The following BCAS3 variants were observed in gnomAD, a reference collection of about 807,000 sequenced individuals.
The protein encoded by BCAS3 is BCAS3 microtubule associated cell migration factor, also known as BCAS4/BCAS3 fusion.
A neutral mutation model predicts 116.1 loss-of-function variants in BCAS3; 53 were observed. That is an observed-to-expected ratio of 0.46 (90% CI 0.37 to 0.57). The LOEUF (loss-of-function observed/expected upper bound fraction) is 0.57. Among genes scored for constraint, BCAS3 ranks in the 20% least tolerant of loss-of-function variants. The pLI is 0.00. For missense variants in BCAS3, 917 were observed against 1,165.4 expected, an observed-to-expected ratio of 0.79 and a Z score of 3.10; for synonymous variants, 391 against 408.2, an observed-to-expected ratio of 0.96 and a Z score of 0.51.
chr17:60,787,159 AT>A (rs2046350008), intron 6 of BCAS3, among the ~76,000 whole-genome samples: 1 of 152,232 alleles, frequency 6.6e-6, no homozygotes, highest in African/African-American at 2.4e-5. Flanking sequence ...AAATGAAAGC[AT>A]AATTTATGGT....
At chr17:61,114,293 C>A (rs1010118474) in intron 22 of BCAS3, among the ~76,000 whole-genome samples, 1 of 145,928 alleles carries the variant, frequency 6.9e-6, no homozygotes, top group South Asian at 2.4e-4. Flanking sequence ...AAGAGGAAGT[C>A]AAATTGTCCG....
rs1159413642 is a variant in BCAS3 at position 61,023,656 on chromosome 17, A to G, written c.1637+7755A>G. On this transcript the variant is annotated intron_variant, in intron 16 of 23. Coordinates refer to ENST00000407086, the MANE Select transcript of BCAS3 (RefSeq NM_017679.5). This position sits in a 1 kb window ranked among gnomAD's most constrained non-coding sequence, Gnocchi z 4.8. ...GGCATTCAACAAAATGAATCAGTTG[A>G]ATGACTTACATAGTGTTATGGTATG... Among the ~76,000 whole-genome samples the G allele has an allele frequency of 6.6e-6, 1 of 152,160 alleles. No individual in the cohort carries two copies. Among genetic ancestry groups the G allele is most frequent in the East Asian group, 1.9e-4 (1 of 5,192 alleles).
rs923725743 is a variant in BCAS3 at position 61,063,371 on chromosome 17, G to A, written c.2030-11549G>A. On this transcript the variant is annotated intron_variant, in intron 19 of 23. Coordinates refer to ENST00000407086, the MANE Select transcript of BCAS3 (RefSeq NM_017679.5). This position sits in a 1 kb window ranked among gnomAD's most constrained non-coding sequence, Gnocchi z 5.3. ...TGCAGCCTTTGCCTCCTGGGTTCAAGCGATTCTCACGCCTCAGCCTCCCGA... is the reference window on the plus strand; with the variant it reads ...TGCAGCCTTTGCCTCCTGGGTTCAAACGATTCTCACGCCTCAGCCTCCCGA... 1.3e-5 allele frequency among the ~76,000 whole-genome samples: 2 copies of A among 152,042 alleles called. No individual in the cohort carries two copies. The highest frequency in any genetic ancestry group is 2.4e-5 in the African/African-American group (1 of 41,392).
intron 6 of BCAS3, among the ~76,000 whole-genome samples, chr17:60,785,243 C>T (rs2046192698): frequency 6.6e-6 from 1 of 152,164 alleles, no homozygotes; most frequent in African/African-American, 2.4e-5. Flanking sequence ...ACTGAAGCCT[C>T]CACCTCCCAG....
rs1400853049 is a variant in BCAS3 at position 60,990,092 on chromosome 17, C to T, written c.1343C>T (p.Ser448Leu). 1 of 1,614,186 alleles carries T rather than the reference C, an allele frequency of 6.2e-7. No individual in the cohort carries two copies. The highest frequency in any genetic ancestry group is 8.5e-7 in the Non-Finnish European group (1 of 1,180,044). The change falls in exon 15 of 24, where the codon TCA becomes TTA. Residue 448 changes from serine (S) to leucine (L), a missense_variant. Ser to Leu is a moderately radical substitution (Grantham distance 145). Around this residue, in one of 3 missense-constraint regions of BCAS3, gnomAD observed 807 missense variants for 1,026.0 expected, o/e 0.79. Coordinates refer to ENST00000407086, the MANE Select transcript of BCAS3 (RefSeq NM_017679.5). The surrounding 1 kb of genome is among the most constrained non-coding windows in gnomAD (Gnocchi z 5.1). ...CAGCCTTGTGTTCGTACACATATGT[C>T]ACCACGAGTAGTGAATCGCATGAGC... is the stretch of plus-strand genomic sequence containing the variant. ...GGQPCVRTHM[S>L]PRVVNRMSRF...
At chr17:61,031,957 CAG>C (rs1258418657) in intron 16 of BCAS3, among the ~76,000 whole-genome samples, 1 of 152,050 alleles carries the variant, frequency 6.6e-6, no homozygotes, top group East Asian at 1.9e-4. Flanking sequence ...TGTTCCAAAA[CAG>C]AATTGTATGT....
rs2054097297 is a variant in BCAS3 at position 61,309,200 on chromosome 17, A to T, written c.2426-59127A>T. The stretch of plus-strand genomic sequence containing the variant: ...AAAAAGAACGTTAGCTCATGTGAGG[A>T]TACGTATAAGGGAATTAGATAACTC... On this transcript the variant is annotated intron_variant, in intron 22 of 23. Transcript: ENST00000407086. The surrounding 1 kb of genome is among the most constrained non-coding windows in gnomAD (Gnocchi z 4.6). 6.6e-6 allele frequency among the ~76,000 whole-genome samples: 1 copy of T among 152,230 alleles called. No homozygotes were observed. Among genetic ancestry groups the T allele is most frequent in the South Asian group, 2.1e-4 (1 of 4,830 alleles).
At chr17:61,069,619 C>G (rs1475986681) in intron 19 of BCAS3, among the ~76,000 whole-genome samples, 2 of 152,082 alleles carry the variant, frequency 1.3e-5, no homozygotes, top group African/African-American at 4.8e-5. Context: ...GGGTGGATCA[C>G]TTGAGGTTAG....
chr17:60,789,859 A>C (rs1319358540), intron 6 of BCAS3, among the ~76,000 whole-genome samples: 1 of 152,178 alleles, frequency 6.6e-6, no homozygotes, highest in East Asian at 1.9e-4. Flanking sequence ...TAGAATTTTT[A>C]TGTGGACACT....
chr17:60,895,582 G>A (rs1042330195), intron 10 of BCAS3, among the ~76,000 whole-genome samples: 1 of 151,942 alleles, frequency 6.6e-6, no homozygotes, highest in Non-Finnish European at 1.5e-5. Context: ...CATTTCTTCT[G>A]CTAATTATGG....
At chr17:60,768,446 C>G (rs1259835747) in intron 6 of BCAS3, among the ~76,000 whole-genome samples, 3 of 152,190 alleles carry the variant, frequency 2.0e-5, no homozygotes, top group African/African-American at 4.8e-5. Flanking sequence ...CAGCCTACAT[C>G]ATTTTCCCAT....
At chr17:60,892,312 ATTT>A (rs146241613) in intron 10 of BCAS3, among the ~76,000 whole-genome samples, 5 of 126,782 alleles carry the variant, frequency 3.9e-5, no homozygotes, top group Non-Finnish European at 3.5e-5. Context: ...TTTTTGACTT[ATTT>A]TTTTTTTTTT....
chr17:60,936,053 C>T (rs2059907079), intron 13 of BCAS3, among the ~76,000 whole-genome samples: 1 of 150,730 alleles, frequency 6.6e-6, no homozygotes, highest in African/African-American at 2.5e-5. Context: ...GTTCCCCTTC[C>T]TGTGTCCATG....
At chr17:60,825,086 A>G (rs1049872460) in intron 7 of BCAS3, among the ~76,000 whole-genome samples, 1 of 151,530 alleles carries the variant, frequency 6.6e-6, no homozygotes, top group Admixed American at 6.6e-5. Flanking sequence ...GGATTGCTGG[A>G]GCCCAGGAGG....
At position 61,323,483 on chromosome 17, in the gene BCAS3, T is replaced by C. The variant is rs1264512521; in HGVS notation, c.2426-44844T>C. ...ACGGACTTAGGATTTGGTTTTCTAC[T>C]CTGTGAACTGAAGCTAATTTCTCCT... On this transcript the variant is annotated intron_variant, in intron 22 of 23. Transcript: ENST00000407086. The surrounding 1 kb of genome is among the most constrained non-coding windows in gnomAD (Gnocchi z 4.6). Among the ~76,000 whole-genome samples the C allele has an allele frequency of 2.0e-5, 3 of 152,338 alleles. No individual in the cohort carries two copies. The highest frequency in any genetic ancestry group is 3.9e-4 in the East Asian group (2 of 5,186).
chr17:61,357,222 C>T (rs915706909), intron 22 of BCAS3, among the ~76,000 whole-genome samples: 2 of 149,858 alleles, frequency 1.3e-5, no homozygotes. Flanking sequence ...GCCTGGGCAA[C>T]GAACAAGACT....
At chr17:60,696,795 A>G (rs2035651843) in intron 4 of BCAS3, among the ~76,000 whole-genome samples, 1 of 152,170 alleles carries the variant, frequency 6.6e-6, no homozygotes, top group Non-Finnish European at 1.5e-5. Flanking sequence ...CATTAAAGCC[A>G]CAGAACTTTT....
At chr17:60,788,057 T>C (rs1415793778) in intron 6 of BCAS3, among the ~76,000 whole-genome samples, 1 of 152,162 alleles carries the variant, frequency 6.6e-6, no homozygotes, top group Non-Finnish European at 1.5e-5. Context: ...GCGTATATTA[T>C]CTTTTTACAA....
In BCAS3 at chr17:61,038,977, A is replaced by G. The variant is rs1309021097; in HGVS notation, c.1928+923A>G. 2.6e-5 allele frequency among the ~76,000 whole-genome samples: 4 copies of G among 152,218 alleles called. No individual in the cohort carries two copies. In the East Asian group the frequency reaches 5.8e-4, roughly 22 times the overall value. On this transcript the variant is annotated intron_variant, in intron 18 of 23. Transcript: ENST00000407086. ...GCCTTTCATTACTTTTTCATTTGACATAATTTACATACAATAAAATTAACC... is the reference window on the plus strand; with the variant it reads ...GCCTTTCATTACTTTTTCATTTGACGTAATTTACATACAATAAAATTAACC...
Sources: allele counts gnomAD v4.1 joint callset (sites outside exome capture counted in the v4.1 genomes callset), GRCh38; gene constraint gnomAD v4.1.1; regional missense constraint gnomAD v4.1.1; non-coding constraint Gnocchi (gnomAD v3.1); transcripts MANE v1.5; gene names NCBI Gene and HGNC (gene_info 2026-07-23, HGNC 2026-07-21).